VRK2: variants seen among roughly 807,000 people sequenced by gnomAD.
VRK2 encodes serine/threonine-protein kinase VRK2.
VRK2 carries 60 observed loss-of-function variants against 57.6 expected under a neutral mutation model. The ratio of observed to expected loss-of-function variants is 1.04; its 90% CI spans 0.85 to 1.29. The LOEUF is 1.29. Ranked by LOEUF, VRK2 falls within the 50% of genes most tolerant of loss-of-function variation. The pLI, the probability that VRK2 is intolerant of heterozygous loss-of-function variation, is 0.00. For synonymous variants in VRK2, 231 were observed against 199.2 expected (o/e 1.16, Z -1.35); for missense variants, 705 against 588.1 (o/e 1.20, Z -2.06).
chr2:58,025,874 G>T (rs947153313), intron 2 of VRK2: 6 of 152,086 alleles, frequency 3.9e-5, no homozygotes, highest in African/African-American at 1.4e-4. Flanking sequence ...TCTCAGTAGT[G>T]CTTCCTTTAT....
rs117813919 is a variant in VRK2 at position 57,924,756 on chromosome 2, G to A, written c.-439+16917G>A. 1.4e-4 allele frequency among the ~76,000 whole-genome samples: 21 copies of A among 152,092 alleles called. No individual in the cohort carries two copies. In the East Asian group the frequency reaches 3.5e-3, roughly 25 times the overall value. On this transcript the variant is annotated intron_variant, in intron 1 of 15. Coordinates refer to the VRK2 transcript ENST00000417641. Reference sequence around the variant, plus strand: ...CAGTAATACGTTGAATAACAGTGGTGCCAGTGACCATCCTTGTCATGTTCC... The same window carrying A: ...CAGTAATACGTTGAATAACAGTGGTACCAGTGACCATCCTTGTCATGTTCC...
At chr2:58,136,039 C>G (rs1334691536) in intron 10 of VRK2, among the ~76,000 whole-genome samples, 3 of 152,140 alleles carry the variant, frequency 2.0e-5, no homozygotes, top group African/African-American at 7.2e-5. Flanking sequence ...ACCTCTCTAG[C>G]TAAGGTCTAA....
chr2:58,075,687 C>A (rs1670002980), intron 2 of VRK2, among the ~76,000 whole-genome samples: 1 of 152,070 alleles, frequency 6.6e-6, no homozygotes, highest in African/African-American at 2.4e-5. Context: ...TGACCTTCAC[C>A]AGTATTTCTC....
chr2:58,028,292 C>A (rs1195953186), intron 2 of VRK2: 3 of 152,156 alleles, frequency 2.0e-5, no homozygotes, highest in Non-Finnish European at 1.5e-5. Context: ...TTTCTATTTA[C>A]TACAGCTCTA....
chr2:58,155,958 C>T (rs1217085351), intron 12 of VRK2, among the ~76,000 whole-genome samples: 1 of 149,376 alleles, frequency 6.7e-6, no homozygotes, highest in African/African-American at 2.5e-5. Context: ...ATTGCTGTTT[C>T]CAGAACGCAG....
chr2:57,926,784 T>C (rs1455020440), intron 1 of VRK2, among the ~76,000 whole-genome samples: 2 of 151,802 alleles, frequency 1.3e-5, no homozygotes, highest in East Asian at 3.9e-4. Flanking sequence ...AGGTCACAGA[T>C]CACTGGGTCT....
chr2:57,929,404 T>C (rs2139053), intron 1 of VRK2, among the ~76,000 whole-genome samples: 108,310 of 152,044 alleles, frequency 0.71, 40,005 homozygotes, highest in African/African-American at 0.93. Context: ...ACGTGTTCTT[T>C]AGTCAGCTTT....
At chr2:57,975,628 T>C (rs1672226864) in intron 1 of VRK2, among the ~76,000 whole-genome samples, 1 of 151,974 alleles carries the variant, frequency 6.6e-6, no homozygotes, top group African/African-American at 2.4e-5. Flanking sequence ...GTAGGAAGTT[T>C]TTCAGGCCTT....
intron 1 of VRK2, among the ~76,000 whole-genome samples, chr2:57,920,019 G>A (rs925900352): frequency 6.6e-6 from 1 of 152,014 alleles, no homozygotes; most frequent in African/African-American, 2.4e-5. Context: ...GATAATTTAT[G>A]ATAAACTCAG....
chr2:57,949,541 G>T (rs919956599), intron 1 of VRK2, among the ~76,000 whole-genome samples: 3 of 152,112 alleles, frequency 2.0e-5, no homozygotes, highest in East Asian at 1.9e-4. Flanking sequence ...GATAAATGTC[G>T]TGTGTGTTTT....
In VRK2 at chr2:57,921,200, C is replaced by T. The variant is rs139959575; in HGVS notation, c.-439+13361C>T. 4.3e-3 allele frequency among the ~76,000 whole-genome samples: 657 copies of T among 152,088 alleles called. 3 individuals carry two copies. Among genetic ancestry groups the T allele is most frequent in the African/African-American group, 0.013 (552 of 41,512 alleles). ...ATTAGGGATGCCACTTGCGAGGCCC[C>T]TTCTCAGTTGTACCGTGTCAACCTC... On this transcript the variant is annotated intron_variant, in intron 1 of 15. Transcript: ENST00000417641.
intron 1 of VRK2, among the ~76,000 whole-genome samples, chr2:57,985,877 C>A (rs1672578565): frequency 6.6e-6 from 1 of 151,928 alleles, no homozygotes; most frequent in Non-Finnish European, 1.5e-5. Context: ...ATGAAAAAAA[C>A]CGTATCTTAT....
At chr2:57,931,263 C>A (rs558760700) in intron 1 of VRK2, among the ~76,000 whole-genome samples, 12 of 152,158 alleles carry the variant, frequency 7.9e-5, no homozygotes, top group African/African-American at 2.9e-4. Context: ...CAAAAGTGTA[C>A]AAGAGTTCCC....
At chr2:57,959,812 T>C (rs1296282251) in intron 1 of VRK2, among the ~76,000 whole-genome samples, 1 of 152,152 alleles carries the variant, frequency 6.6e-6, no homozygotes, top group Non-Finnish European at 1.5e-5. Flanking sequence ...CCCCCTTTAA[T>C]GCTGTTTCAG....
At chr2:58,009,077 T>A (rs1276595827) in intron 1 of VRK2, among the ~76,000 whole-genome samples, 1 of 152,112 alleles carries the variant, frequency 6.6e-6, no homozygotes, top group Non-Finnish European at 1.5e-5. Flanking sequence ...TAATGACCTC[T>A]TAAAGGCCTC....
At chr2:57,932,193 T>C (rs534300667) in intron 1 of VRK2, among the ~76,000 whole-genome samples, 2 of 152,250 alleles carry the variant, frequency 1.3e-5, no homozygotes, top group African/African-American at 4.8e-5. Flanking sequence ...TGGCTTTGGT[T>C]TGAAGGTAAT....
intron 11 of VRK2, among the ~76,000 whole-genome samples, chr2:58,141,041 G>T (rs532963955): frequency 6.6e-6 from 1 of 151,960 alleles, no homozygotes; most frequent in Non-Finnish European, 1.5e-5. Flanking sequence ...CACTATTTAC[G>T]TATTGCAGAA....
At chr2:58,051,839 A>G (rs1469096110) in intron 2 of VRK2, among the ~76,000 whole-genome samples, 1 of 152,204 alleles carries the variant, frequency 6.6e-6, no homozygotes, top group Non-Finnish European at 1.5e-5. Flanking sequence ...AATAAGAAAT[A>G]GCTAAAAGAG....
intron 11 of VRK2, among the ~76,000 whole-genome samples, chr2:58,140,568 T>C (rs1198520833): frequency 6.6e-6 from 1 of 151,982 alleles, no homozygotes; most frequent in Non-Finnish European, 1.5e-5. Flanking sequence ...CAGGATGCTA[T>C]TCATTTTTAA....
Sources: gnomAD v4.1 joint callset for allele counts (sites outside exome capture counted in the v4.1 genomes callset) on GRCh38, gnomAD v4.1.1 for gene constraint, MANE v1.5 for transcripts, NCBI Gene and HGNC (gene_info 2026-07-23, HGNC 2026-07-21) for gene names.